PFKL: variants seen among roughly 807,000 people sequenced by gnomAD.
The protein encoded by PFKL is ATP-dependent 6-phosphofructokinase, liver type.
PFKL carries 74 observed loss-of-function variants against 92.1 expected under a neutral mutation model. The observed-to-expected ratio is 0.80, with a 90% CI of 0.67 to 0.97. The LOEUF is 0.97. Ranked by LOEUF, PFKL falls within the 50% of genes least tolerant of loss-of-function variation. The pLI is 0.00. For synonymous variants in PFKL, 494 were observed against 456.4 expected, an observed-to-expected ratio of 1.08 and a Z score of -1.05; for missense variants, 1,028 against 1,116.6, an observed-to-expected ratio of 0.92 and a Z score of 1.13.
chr21:44,319,983 G>T, intron 11 of PFKL, 101 bp from the exon 12 acceptor site: 2 of 1,033,452 alleles, frequency 1.9e-6, no homozygotes, highest in Admixed American at 1.8e-5. Context: ...CCATCGGGCC[G>T]TGTGCCTGTG....
Position 44,326,181 on chromosome 21 carries a change from A to G in PFKL, c.2112A>G (p.Pro704=), listed in dbSNP as rs984159808. ...YRKGRVFANA[P]DSACVIGLKK... ...CAGGACGGGTGTTCGCCAATGCCCC[A>G]GACTCGGCCTGCGTGATCGGCCTGA... The change falls in exon 21 of 22, where the codon CCA becomes CCG. Residue 704 remains proline (P), a synonymous_variant. Coordinates refer to ENST00000349048, the MANE Select transcript of PFKL (RefSeq NM_002626.6). 1 of 1,612,874 alleles carries G rather than the reference A, an allele frequency of 6.2e-7. No individual in the cohort carries two copies. The highest frequency in any genetic ancestry group is 1.3e-5 in the African/African-American group (1 of 74,914).
At chr21:44,326,370 C>A (rs2047509902) in intron 21 of PFKL, 106 bp downstream of exon 21, 1 of 853,026 alleles carries the variant, frequency 1.2e-6, no homozygotes, top group South Asian at 1.6e-5. Context: ...CCTGACCCCG[C>A]AAGGCCTCCT....
In PFKL at chr21:44,320,227, G is replaced by A. The variant is rs1026447058; in HGVS notation, c.1191+80G>A. The A allele has an allele frequency of 2.3e-6, 3 of 1,298,562 alleles. No individual in the cohort carries two copies. In the African/African-American group the frequency reaches 4.4e-5, roughly 19 times the overall value. 80.4% of individuals were successfully genotyped at this position (1,298,562 alleles called of 1,614,324 possible). On this transcript the variant is annotated intron_variant, in intron 12 of 21. Transcript: ENST00000349048. ...CCTCTTCACGCTGGCCCCGTGGCTGGGCCTGCCTGCCCCCACCTTCCCTCC... is the reference window on the plus strand; with the variant it reads ...CCTCTTCACGCTGGCCCCGTGGCTGAGCCTGCCTGCCCCCACCTTCCCTCC...
intron 1 of PFKL, among the ~76,000 whole-genome samples, chr21:44,303,816 T>C (rs1330184296): frequency 6.6e-6 from 1 of 152,116 alleles, no homozygotes; most frequent in Non-Finnish European, 1.5e-5. Context: ...TGTTCCAGCC[T>C]TTTTTCCTGG....
intron 15 of PFKL, among the ~76,000 whole-genome samples, 175 bp from the exon 16 acceptor site, chr21:44,323,591 C>A (rs2047415875): frequency 6.6e-6 from 1 of 152,176 alleles, no homozygotes; most frequent in Non-Finnish European, 1.5e-5. Flanking sequence ...TGAGATGACA[C>A]CAGGCTGACT....
chr21:44,308,297 G>A (rs1352511223), intron 2 of PFKL, among the ~76,000 whole-genome samples: 13 of 152,290 alleles, frequency 8.5e-5, no homozygotes, highest in African/African-American at 3.1e-4. Flanking sequence ...TGAATCTGCT[G>A]CCTAGTGGGC....
intron 11 of PFKL, chr21:44,319,731 G>A: frequency 1.9e-6 from 1 of 533,028 alleles, no homozygotes; most frequent in Non-Finnish European, 3.4e-6. Flanking sequence ...GGCAGATGTT[G>A]GGTGTGGGTA....
Position 44,318,450 on chromosome 21 carries a change from G to A in PFKL, c.937-20G>A, listed in dbSNP as rs1254103405. 2 of 1,501,286 alleles carry A rather than the reference G, an allele frequency of 1.3e-6. No homozygotes were observed. The highest frequency in any genetic ancestry group is 1.8e-6 in the Non-Finnish European group (2 of 1,114,510). 93.0% of individuals were successfully genotyped at this position (1,501,286 alleles called of 1,614,324 possible). Reference sequence around the variant, plus strand: ...GTAGAGGGACCAAGTGGGTGTGCCAGCCTGAACCCTTCCCCACAGAGCAGC... The same window carrying A: ...GTAGAGGGACCAAGTGGGTGTGCCAACCTGAACCCTTCCCCACAGAGCAGC... On this transcript the variant is annotated intron_variant, in intron 9 of 21. Transcript: ENST00000349048.
intron 1 of PFKL, among the ~76,000 whole-genome samples, chr21:44,306,231 G>A (rs975692887): frequency 3.3e-5 from 5 of 151,698 alleles, no homozygotes; most frequent in Admixed American, 2.6e-4. Context: ...TGGGGGCTCC[G>A]TGGCAGAGGT....
chr21:44,312,390 T>G, intron 4 of PFKL, 96 bp downstream of exon 4: 1 of 1,195,358 alleles, frequency 8.4e-7, no homozygotes, highest in Non-Finnish European at 1.1e-6. Flanking sequence ...GAGGGATCCC[T>G]GGGTGCCCCG....
At chr21:44,310,250 G>A (rs528198284) in intron 2 of PFKL, among the ~76,000 whole-genome samples, 5 of 152,368 alleles carry the variant, frequency 3.3e-5, no homozygotes, top group East Asian at 1.9e-4. Flanking sequence ...CACGTGGCAC[G>A]GAGGCTGTGC....
intron 9 of PFKL, among the ~76,000 whole-genome samples, chr21:44,316,777 G>A (rs1452334772): frequency 6.6e-6 from 1 of 152,110 alleles, no homozygotes; most frequent in Non-Finnish European, 1.5e-5. Context: ...GTGTGTGGGT[G>A]TTCCCTCAAG....
Position 44,316,328 on chromosome 21 carries a change from T to C in PFKL, c.832T>C (p.Tyr278His). The C allele has an allele frequency of 1.2e-6, 2 of 1,613,204 alleles. No individual in the cohort carries two copies. The highest frequency in any genetic ancestry group is 1.7e-6 in the Non-Finnish European group (2 of 1,179,876). ...DRNGKPISSS[Y>H]VKDLVVQRLG... is the part of the protein sequence containing the mutation. ...CAACGGGAAGCCCATCTCGTCCAGCTACGTGAAGGACGTGCGTGTGGGCCT... is the reference window on the plus strand; with the variant it reads ...CAACGGGAAGCCCATCTCGTCCAGCCACGTGAAGGACGTGCGTGTGGGCCT... Residue 278 changes from tyrosine (Y) to histidine (H), a missense_variant, in exon 8 of 22, where the codon TAC becomes CAC. Tyr to His is a moderately conservative substitution (Grantham distance 83). Coordinates refer to ENST00000349048, the MANE Select transcript of PFKL (RefSeq NM_002626.6).
Position 44,321,721 on chromosome 21 carries a change from C to CT in PFKL, c.1192-7dup. Reference sequence around the variant, plus strand: ...GTGCCTCACGCTCATCTCCCCTTCTCTCTGAAGTCTAACTTCTCCCTGGCC... The same window carrying CT: ...GTGCCTCACGCTCATCTCCCCTTCTCTTCTGAAGTCTAACTTCTCCCTGGCC... On this transcript the variant is annotated splice_region_variant and splice_polypyrimidine_tract_variant and intron_variant, in intron 12 of 21. Coordinates refer to ENST00000349048, the MANE Select transcript of PFKL (RefSeq NM_002626.6). 1 of 1,553,044 alleles carries CT rather than the reference C, an allele frequency of 6.4e-7. No individual in the cohort carries two copies. Among genetic ancestry groups the CT allele is most frequent in the Non-Finnish European group, 8.7e-7 (1 of 1,148,870 alleles).
rs2047294850 is a variant in PFKL, at chr21:44,319,258, G to A, written c.1063-93G>A. 5.4e-6 allele frequency: 6 copies of A among 1,103,934 alleles called. No individual in the cohort carries two copies. In the East Asian group the frequency reaches 1.4e-4, roughly 26 times the overall value. The allele number at this position is 1,103,934 out of a possible 1,614,324, so 68.4% of individuals were successfully genotyped here. On this transcript the variant is annotated intron_variant, in intron 10 of 21. Coordinates refer to ENST00000349048, the MANE Select transcript of PFKL (RefSeq NM_002626.6). ...GGCCAGGGTCAGGAGATGCCGGCCA[G>A]ATCTGCCCTCGTCAGGCCCACCAGA...
rs1031754686 is a variant in PFKL, at chr21:44,301,900, A to G, written c.85+1710A>G. ...CCCCCTGCCACCCCATGCACAGACT[A>G]AACAGAGAAGGGGGGCTCGCTGGAG... On this transcript the variant is annotated intron_variant, in intron 1 of 21. Transcript: ENST00000349048. Among the ~76,000 whole-genome samples, 3 of 152,116 alleles carry G rather than the reference A, an allele frequency of 2.0e-5. No individual in the cohort carries two copies. In the South Asian group the frequency reaches 6.2e-4, roughly 31 times the overall value.
chr21:44,301,473 G>T (rs1186354950), intron 1 of PFKL, among the ~76,000 whole-genome samples: 1 of 152,166 alleles, frequency 6.6e-6, no homozygotes, highest in Non-Finnish European at 1.5e-5. Flanking sequence ...GTTCAAGGAT[G>T]TCTTTTTGCA....
At chr21:44,325,835 G>C (rs1324083468) in intron 19 of PFKL, 126 bp from the exon 20 acceptor site, 2 of 659,450 alleles carry the variant, frequency 3.0e-6, no homozygotes, top group African/African-American at 1.8e-5. Context: ...CGGTGCACGG[G>C]TTGGAAGGAA....
chr21:44,310,955 C>T (rs375791983), intron 2 of PFKL, 51 bp from the exon 3 acceptor site: 21 of 1,400,664 alleles, frequency 1.5e-5, no homozygotes, highest in Non-Finnish European at 2.1e-5. Context: ...CCACTTGCTG[C>T]CGGCCGCCAT....
Sources: allele counts gnomAD v4.1 joint callset (sites outside exome capture counted in the v4.1 genomes callset), GRCh38; gene constraint gnomAD v4.1.1; transcripts MANE v1.5; gene names NCBI Gene and HGNC (gene_info 2026-07-23, HGNC 2026-07-21).